Variants in DYNC1I1 observed in about 807,000 individuals in gnomAD.
DYNC1I1 encodes the protein cytoplasmic dynein 1 intermediate chain 1.
In DYNC1I1, 43 loss-of-function variants were observed where a neutral mutation model predicts 86.6. The observed-to-expected ratio is 0.50, with a 90% confidence interval of 0.39 to 0.64. The LOEUF (loss-of-function observed/expected upper bound fraction) is 0.64, where lower values mean the gene tolerates loss of function less well. Ranked by LOEUF, DYNC1I1 falls within the 30% of genes least tolerant of loss-of-function variation. The probability of loss-of-function intolerance (pLI) is 0.00; values close to 1 mark genes in which losing one functional copy is unlikely to be tolerated. For synonymous variants in DYNC1I1, 262 were observed against 283.7 expected, an observed-to-expected ratio of 0.92 and a Z score of 0.77; for missense variants, 604 against 788.8, an observed-to-expected ratio of 0.77 and a Z score of 2.81.
At chr7:95,985,001 T>TA (rs1363956191) in intron 8 of DYNC1I1, 24 bp downstream of exon 8, 9 of 1,601,282 alleles carry the variant, frequency 5.6e-6, no homozygotes, top group South Asian at 4.6e-5. Context: ...GTGCATTCTT[T>TA]AAAAAATAGC....
At chr7:95,913,186 TA>T (rs1370819572) in intron 6 of DYNC1I1, among the ~76,000 whole-genome samples, 3 of 152,198 alleles carry the variant, frequency 2.0e-5, no homozygotes, top group Admixed American at 2.0e-4. Context: ...AAACAGATGT[TA>T]ATGTGTTTGC....
chr7:96,081,079 A>AAAAAAAAAAAAAAAAAAAAAAAG (rs375715304), intron 16 of DYNC1I1, among the ~76,000 whole-genome samples: 6 of 133,686 alleles, frequency 4.5e-5, no homozygotes, highest in African/African-American at 1.8e-4. Context: ...AAAAAAAAAG[A>AAAAAAAAAAAAAAAAAAAAAAAG]AAAAGAAAAG....
chr7:95,981,179 C>T (rs1031819888), intron 7 of DYNC1I1, among the ~76,000 whole-genome samples: 11 of 151,724 alleles, frequency 7.3e-5, no homozygotes, highest in Non-Finnish European at 1.6e-4. Flanking sequence ...TTGTGAACTT[C>T]ATTATAAATT....
chr7:95,859,106 C>A (rs550190127), intron 5 of DYNC1I1, among the ~76,000 whole-genome samples: 2 of 150,404 alleles, frequency 1.3e-5, no homozygotes, highest in Non-Finnish European at 3.0e-5. Context: ...GTTCTCTGTT[C>A]CATTTTTCAT....
intron 10 of DYNC1I1, among the ~76,000 whole-genome samples, chr7:96,008,137 T>C (rs1584246631): frequency 6.6e-6 from 1 of 152,328 alleles, no homozygotes; most frequent in South Asian, 2.1e-4. Flanking sequence ...TGAGTAACTC[T>C]CCTCCTTTAA....
chr7:95,883,668 T>C (rs1262172551), intron 6 of DYNC1I1, among the ~76,000 whole-genome samples: 2 of 152,182 alleles, frequency 1.3e-5, no homozygotes, highest in Admixed American at 1.3e-4. Flanking sequence ...ACACCAGCAA[T>C]ATGTTGGCAG....
rs371885884 is a variant in DYNC1I1, at chr7:95,870,016, C to T, written c.490+18C>T. 2 of 1,594,962 alleles carry T rather than the reference C, an allele frequency of 1.3e-6. No individual in the cohort carries two copies. Among genetic ancestry groups the T allele is most frequent in the Admixed American group, 1.7e-5 (1 of 57,308 alleles). ...GTCTGAAGGTAAACTATGTCTTTGGCTTACTTTCCATATTATCTCTGGAGA... is the reference window on the plus strand; with the variant it reads ...GTCTGAAGGTAAACTATGTCTTTGGTTTACTTTCCATATTATCTCTGGAGA... On this transcript the variant is annotated intron_variant, in intron 6 of 16. Coordinates refer to ENST00000447467, the MANE Select transcript of DYNC1I1 (RefSeq NM_001135556.2).
intron 6 of DYNC1I1, among the ~76,000 whole-genome samples, chr7:95,944,862 G>C (rs1022162052): frequency 2.1e-5 from 3 of 141,470 alleles, no homozygotes; most frequent in Non-Finnish European, 3.0e-5. Context: ...ATCACACTCT[G>C]GGGACTGTTG....
intron 6 of DYNC1I1, among the ~76,000 whole-genome samples, chr7:95,885,750 G>A (rs546603620): frequency 2.0e-5 from 3 of 152,236 alleles, no homozygotes; most frequent in East Asian, 1.9e-4. Flanking sequence ...GCCTCCCAAC[G>A]TGCTAGGATT....
intron 6 of DYNC1I1, among the ~76,000 whole-genome samples, chr7:95,920,066 A>G (rs1791570510): frequency 6.6e-6 from 1 of 152,110 alleles, no homozygotes; most frequent in African/African-American, 2.4e-5. Context: ...GTGCATAGCA[A>G]CTCCTTTCCA....
At chr7:96,081,056 A>T (rs1181332496) in intron 16 of DYNC1I1, among the ~76,000 whole-genome samples, 1 of 129,274 alleles carries the variant, frequency 7.7e-6, no homozygotes, top group Non-Finnish European at 1.6e-5. Context: ...GGTGGCAGAG[A>T]GACTCCATCT....
At chr7:95,973,190 A>C (rs1793218180) in intron 6 of DYNC1I1, among the ~76,000 whole-genome samples, 1 of 152,234 alleles carries the variant, frequency 6.6e-6, no homozygotes, top group South Asian at 2.1e-4. Context: ...AACTGTTTTG[A>C]AAATGGTTTC....
chr7:96,074,767 A>T (rs1285432845), intron 14 of DYNC1I1, among the ~76,000 whole-genome samples: 1 of 152,212 alleles, frequency 6.6e-6, no homozygotes, highest in Non-Finnish European at 1.5e-5. Context: ...ACTTGGAGAA[A>T]TCACTCTAAT....
intron 14 of DYNC1I1, among the ~76,000 whole-genome samples, chr7:96,063,793 C>T (rs759709912): frequency 5.9e-5 from 9 of 152,186 alleles, no homozygotes; most frequent in Non-Finnish European, 8.8e-5. Context: ...TAATTCCACC[C>T]ATAAGAGCTA....
At chr7:95,952,216 G>T (rs773336608) in intron 6 of DYNC1I1, among the ~76,000 whole-genome samples, 1 of 150,610 alleles carries the variant, frequency 6.6e-6, no homozygotes, top group Non-Finnish European at 1.5e-5. Flanking sequence ...AGTCCTTCCC[G>T]CCCCAGATTA....
chr7:96,087,249 G>A (rs1790708509), intron 16 of DYNC1I1, among the ~76,000 whole-genome samples: 1 of 152,144 alleles, frequency 6.6e-6, no homozygotes, highest in African/African-American at 2.4e-5. Flanking sequence ...AAATTGAAAA[G>A]TTAAACTTAG....
chr7:95,904,374 C>T (rs988170666), intron 6 of DYNC1I1, among the ~76,000 whole-genome samples: 3 of 152,054 alleles, frequency 2.0e-5, no homozygotes, highest in Admixed American at 1.3e-4. Flanking sequence ...CCTAGTAAGC[C>T]ATAAGTGATA....
At chr7:95,974,724 A>G (rs1793259885) in intron 6 of DYNC1I1, among the ~76,000 whole-genome samples, 1 of 152,192 alleles carries the variant, frequency 6.6e-6, no homozygotes, top group African/African-American at 2.4e-5. Flanking sequence ...ATGTGGTTGT[A>G]GAATACCTGA....
intron 6 of DYNC1I1, among the ~76,000 whole-genome samples, chr7:95,904,471 G>A (rs1421851642): frequency 6.6e-6 from 1 of 152,122 alleles, no homozygotes; most frequent in Admixed American, 6.6e-5. Context: ...AAAATGGGAG[G>A]AGACTGGAGA....
Sources: allele counts gnomAD v4.1 joint callset (sites outside exome capture counted in the v4.1 genomes callset), GRCh38; gene constraint gnomAD v4.1.1; transcripts MANE v1.5; gene names NCBI Gene and HGNC (gene_info 2026-07-23, HGNC 2026-07-21).